The following MAST4 variants were observed in gnomAD, a reference collection of about 807,000 sequenced individuals.
MAST4 encodes the protein microtubule associated serine/threonine kinase family member 4.
MAST4 carries 89 observed loss-of-function variants against 162.7 expected under a neutral mutation model. The observed-to-expected ratio is 0.55, with a 90% confidence interval of 0.46 to 0.65. The LOEUF (loss-of-function observed/expected upper bound fraction) is 0.65, where lower values mean the gene tolerates loss of function less well. Among genes scored for constraint, MAST4 ranks in the 30% least tolerant of loss-of-function variants. The probability of loss-of-function intolerance (pLI) is 0.00; values close to 1 mark genes in which losing one functional copy is unlikely to be tolerated. For synonymous variants in MAST4, 1,479 were observed against 1,361.1 expected, an observed-to-expected ratio of 1.09 and a Z score of -1.91; for missense variants, 3,153 against 3,374.0, an observed-to-expected ratio of 0.93 and a Z score of 1.62.
At chr5:66,775,656 AAATGGTTCTTCAAAAGAAC>A (rs137882962) in intron 2 of MAST4, among the ~76,000 whole-genome samples, 36,246 of 151,984 alleles carry the variant, frequency 0.24, 5,634 homozygotes, top group Non-Finnish European at 0.35. Context: ...TGGTTCTTAA[AAATGGTTCTTCAAAAGAAC>A]AATGGTTCTT....
intron 3 of MAST4, among the ~76,000 whole-genome samples, chr5:66,868,010 G>GT (rs1760654158): frequency 6.6e-6 from 1 of 152,208 alleles, no homozygotes; most frequent in Non-Finnish European, 1.5e-5. Context: ...TTAGTGTTGA[G>GT]TGACATAATT....
chr5:67,067,471 C>A (rs1760387754), intron 5 of MAST4, among the ~76,000 whole-genome samples: 1 of 152,202 alleles, frequency 6.6e-6, no homozygotes, highest in African/African-American at 2.4e-5. Context: ...TACAACCAAT[C>A]TGAATTTATA....
intron 2 of MAST4, among the ~76,000 whole-genome samples, chr5:66,786,904 A>G (rs550006980): frequency 1.3e-5 from 2 of 152,318 alleles, no homozygotes; most frequent in Non-Finnish European, 2.9e-5. Context: ...GAAAAAATCA[A>G]TCTATTATGT....
At chr5:67,022,332 G>T (rs1243351546) in intron 4 of MAST4, among the ~76,000 whole-genome samples, 3 of 151,818 alleles carry the variant, frequency 2.0e-5, no homozygotes, top group Admixed American at 6.6e-5. Context: ...TACTTGAGGT[G>T]CCTTCCAAGT....
intron 5 of MAST4, among the ~76,000 whole-genome samples, chr5:67,059,156 C>G (rs1759239543): frequency 1.3e-5 from 2 of 152,198 alleles, no homozygotes; most frequent in Non-Finnish European, 2.9e-5. Context: ...CCCTGGCTAT[C>G]AGCAAGGAGC....
rs372290652 is a variant in MAST4 at position 67,164,031 on chromosome 5, G to C, written c.4852G>C (p.Gly1618Arg). The change falls in exon 29 of 29, where the codon GGT becomes CGT. Residue 1618 changes from glycine to arginine, a missense_variant. Transcript: ENST00000403625. This position sits in a 1 kb window ranked among gnomAD's most constrained non-coding sequence, Gnocchi z 5.3. ...GCAGGCCAGCGTGCGCGCCAGCGAG[G>C]GTGCGATGTCGGATGGCCGGGTGCC... is the stretch of plus-strand genomic sequence containing the variant. ...HKQASVRASEGAMSDGRVPAE... is the reference protein window; with the variant it reads ...HKQASVRASERAMSDGRVPAE... The C allele has an allele frequency of 1.3e-5, 21 of 1,585,248 alleles. No individual in the cohort carries two copies. Among genetic ancestry groups the C allele is most frequent in the Non-Finnish European group, 1.6e-5 (19 of 1,165,526 alleles).
Position 67,163,807 on chromosome 5 carries a change from GCTT to G in MAST4, c.4630_4632del (p.Phe1544del). The G allele has an allele frequency of 6.2e-7, 1 of 1,612,688 alleles. No individual in the cohort carries two copies. Among genetic ancestry groups the G allele is most frequent in the Non-Finnish European group, 8.5e-7 (1 of 1,179,310 alleles). On this transcript the variant is annotated inframe_deletion, in exon 29 of 29. Coordinates refer to ENST00000403625, the MANE Select transcript of MAST4 (RefSeq NM_001164664.2). The surrounding 1 kb of genome is among the most constrained non-coding windows in gnomAD (Gnocchi z 7.0). ...AAGGTGGTGGTGAAGAAAGCAGACG[GCTT>G]CCCAGAGAAACAGGAATCCCACCAG... is the stretch of plus-strand genomic sequence containing the variant.
intron 3 of MAST4, among the ~76,000 whole-genome samples, chr5:66,801,982 A>G (rs571449908): frequency 5.3e-5 from 8 of 152,336 alleles, no homozygotes; most frequent in South Asian, 4.1e-4. Context: ...TTGGTTAGCT[A>G]TGTAAAAGAC....
chr5:66,669,311 G>C (rs935890996), intron 1 of MAST4, among the ~76,000 whole-genome samples: 3 of 152,174 alleles, frequency 2.0e-5, no homozygotes, highest in Non-Finnish European at 4.4e-5. Context: ...GGCGCTCCTG[G>C]TGGAGAAGGG....
chr5:67,002,568 G>T (rs1751413430), intron 4 of MAST4, among the ~76,000 whole-genome samples: 1 of 152,152 alleles, frequency 6.6e-6, no homozygotes, highest in Admixed American at 6.5e-5. Flanking sequence ...ATTGTGGGGT[G>T]TCCTCTGCTC....
intron 4 of MAST4, among the ~76,000 whole-genome samples, chr5:66,990,622 G>A (rs559951802): frequency 6.6e-6 from 1 of 152,300 alleles, no homozygotes; most frequent in South Asian, 2.1e-4. Context: ...CTGGGAGACA[G>A]AAGCCTTGTC....
chr5:66,820,452 A>C (rs987360967), intron 3 of MAST4, among the ~76,000 whole-genome samples: 1 of 152,234 alleles, frequency 6.6e-6, no homozygotes, highest in Non-Finnish European at 1.5e-5. Context: ...CTATGTATTA[A>C]TATGACATAT....
intron 4 of MAST4, among the ~76,000 whole-genome samples, chr5:66,927,203 A>G (rs1764968070): frequency 6.6e-6 from 1 of 152,218 alleles, no homozygotes; most frequent in African/African-American, 2.4e-5. Flanking sequence ...GAGAGATGTT[A>G]TGGAAGCAGA....
chr5:67,045,693 T>A (rs535626287), intron 4 of MAST4, among the ~76,000 whole-genome samples: 1 of 152,338 alleles, frequency 6.6e-6, no homozygotes, highest in East Asian at 1.9e-4. Context: ...ATTGCAACCC[T>A]GAGCATAGAT....
intron 2 of MAST4, among the ~76,000 whole-genome samples, chr5:66,780,194 T>G (rs1480026189): frequency 2.0e-5 from 3 of 152,170 alleles, no homozygotes; most frequent in Admixed American, 2.0e-4. Flanking sequence ...ACTGAAACTT[T>G]GTACCCATTA....
intron 15 of MAST4, among the ~76,000 whole-genome samples, chr5:67,131,319 G>T (rs1025808039): frequency 2.0e-5 from 3 of 152,054 alleles, no homozygotes; most frequent in African/African-American, 7.2e-5. Context: ...TATGTGTTGG[G>T]CAGTATCCTA....
intron 3 of MAST4, among the ~76,000 whole-genome samples, chr5:66,824,573 C>T (rs938615036): frequency 7.9e-5 from 12 of 152,310 alleles, no homozygotes; most frequent in Middle Eastern, 3.4e-3. Context: ...TGGGTAACAT[C>T]GGAAGATTTG....
rs374037331 is a variant in MAST4, at chr5:67,095,559, G to A, written c.834-38G>A. 5.6e-5 allele frequency: 85 copies of A among 1,520,880 alleles called. No individual in the cohort carries two copies. In the South Asian group the frequency reaches 6.4e-4, roughly 11 times the overall value. The allele number at this position is 1,520,880 out of a possible 1,614,324, so 94.2% of individuals were successfully genotyped here. On this transcript the variant is annotated intron_variant, in intron 6 of 28. Coordinates refer to ENST00000403625, the MANE Select transcript of MAST4 (RefSeq NM_001164664.2). ...CCCTGGGGTTCCCATGTGACAGTAC[G>A]CCAGTGTTGGCCTAAGCTAAACTCA...
At chr5:66,848,330 TAAGG>T (rs1178089005) in intron 3 of MAST4, among the ~76,000 whole-genome samples, 1 of 152,190 alleles carries the variant, frequency 6.6e-6, no homozygotes, top group Non-Finnish European at 1.5e-5. Context: ...AAAAAGGCGA[TAAGG>T]AATGCAAATT....
Sources: allele counts gnomAD v4.1 joint callset (sites outside exome capture counted in the v4.1 genomes callset), GRCh38; gene constraint gnomAD v4.1.1; non-coding constraint Gnocchi (gnomAD v3.1); transcripts MANE v1.5; gene names NCBI Gene and HGNC (gene_info 2026-07-23, HGNC 2026-07-21).